ZNF532: variants seen among roughly 807,000 people sequenced by gnomAD.
ZNF532 encodes the protein zinc finger protein 532.
Under a neutral mutation model 89.3 loss-of-function variants are expected in ZNF532, and 22 were observed. That is an observed-to-expected ratio of 0.25 (90% CI 0.18 to 0.35). The LOEUF is 0.35. ZNF532 is among the 10% of genes least tolerant of loss of function. ZNF532 has a pLI of 1.00. For missense variants in ZNF532, 1,132 were observed against 1,643.4 expected (o/e 0.69, Z 5.38); for synonymous variants, 606 against 649.6 (o/e 0.93, Z 1.02).
In ZNF532 at chr18:58,919,597, A is replaced by T; in HGVS notation, c.1310A>T (p.Glu437Val). Residue 437 changes from glutamate (E) to valine (V), a missense_variant, in exon 3 of 10, where the codon GAG becomes GTG. Coordinates refer to ENST00000591808, the MANE Select transcript of ZNF532 (RefSeq NM_001375912.1). This position sits in a 1 kb window ranked among gnomAD's most constrained non-coding sequence, Gnocchi z 6.1. ...GTGACCAATGCAGTTTCCCCTGCAG[A>T]GCTCACCCCCAAACAGGTCACAATC... ...AVVTNAVSPA[E>V]LTPKQVTIKP... The T allele has an allele frequency of 6.2e-7, 1 of 1,614,014 alleles. No individual in the cohort carries two copies. Among genetic ancestry groups the T allele is most frequent in the Non-Finnish European group, 8.5e-7 (1 of 1,180,008 alleles).
At chr18:58,928,894 T>A (rs2061732919) in intron 3 of ZNF532, among the ~76,000 whole-genome samples, 1 of 152,226 alleles carries the variant, frequency 6.6e-6, no homozygotes, top group Admixed American at 6.5e-5. Context: ...ATAATTGATA[T>A]TTTAATGTGT....
At chr18:58,922,685 C>T (rs891715644) in intron 3 of ZNF532, among the ~76,000 whole-genome samples, 1 of 152,204 alleles carries the variant, frequency 6.6e-6, no homozygotes, top group Admixed American at 6.5e-5. Context: ...AAAGCTCTTT[C>T]TTCATTTCTG....
intron 2 of ZNF532, among the ~76,000 whole-genome samples, chr18:58,916,425 A>G (rs1295630912): frequency 6.6e-6 from 1 of 152,106 alleles, no homozygotes; most frequent in Non-Finnish European, 1.5e-5. Context: ...TAGAGATGTT[A>G]ATGTTTTATT....
intron 2 of ZNF532, among the ~76,000 whole-genome samples, chr18:58,891,039 C>T (rs9959933): frequency 0.028 from 4,295 of 152,200 alleles, 219 homozygotes; most frequent in African/African-American, 0.098. Context: ...CTGCCTCAGC[C>T]TCCCGAGTAG....
intron 2 of ZNF532, among the ~76,000 whole-genome samples, chr18:58,871,698 T>C (rs1339295140): frequency 1.3e-5 from 2 of 152,324 alleles, no homozygotes; most frequent in Admixed American, 1.3e-4. Context: ...AGCGTGAGAA[T>C]ATGCAGTGGA....
chr18:58,888,799 TTATA>T (rs1171793271), intron 2 of ZNF532, among the ~76,000 whole-genome samples: 1 of 47,218 alleles, frequency 2.1e-5, no homozygotes, highest in African/African-American at 1.2e-4. Context: ...TATATATAAT[TTATA>T]TATATAAAAA....
intron 6 of ZNF532, among the ~76,000 whole-genome samples, chr18:58,949,716 T>C (rs1364771331): frequency 6.6e-6 from 1 of 152,198 alleles, no homozygotes; most frequent in East Asian, 1.9e-4. Flanking sequence ...AAGGTCAGTT[T>C]AAAGCGCAAA....
In ZNF532 at chr18:58,951,895, T is replaced by C. The variant is rs184804365; in HGVS notation, c.2869-1623T>C. ...CGATCTCCTGACCTCGTGATCCACC[T>C]GCCTCGGCCTCCCAAAGTGCTGGGA... On this transcript the variant is annotated intron_variant, in intron 6 of 9. Transcript: ENST00000591808. Among the ~76,000 whole-genome samples the C allele has an allele frequency of 7.1e-3, 1,077 of 152,190 alleles. 10 individuals carry two copies. Among genetic ancestry groups the C allele is most frequent in the Non-Finnish European group, 0.01 (711 of 67,988 alleles).
chr18:58,952,582 T>A (rs928650401), intron 6 of ZNF532, among the ~76,000 whole-genome samples: 50 of 152,246 alleles, frequency 3.3e-4, no homozygotes, highest in African/African-American at 1.2e-3. Context: ...TTTATTAATC[T>A]TTTTGTAGAG....
At chr18:58,950,791 GTTTC>G (rs1454691517) in intron 6 of ZNF532, among the ~76,000 whole-genome samples, 2 of 152,110 alleles carry the variant, frequency 1.3e-5, no homozygotes, top group African/African-American at 4.8e-5. Context: ...GAAATAAGTT[GTTTC>G]TTTATTTAAA....
chr18:58,870,527 A>G (rs1488023874), intron 2 of ZNF532, among the ~76,000 whole-genome samples: 1 of 152,106 alleles, frequency 6.6e-6, no homozygotes, highest in African/African-American at 2.4e-5. Context: ...TCACCTGATG[A>G]GGCCTTTTGG....
At chr18:58,926,498 C>T (rs764966403) in intron 3 of ZNF532, among the ~76,000 whole-genome samples, 27 of 152,164 alleles carry the variant, frequency 1.8e-4, no homozygotes, top group East Asian at 3.9e-4. Context: ...CCACCATGCC[C>T]GGCTAATTTT....
intron 2 of ZNF532, among the ~76,000 whole-genome samples, chr18:58,884,409 G>A (rs1284133242): frequency 6.6e-6 from 1 of 152,196 alleles, no homozygotes; most frequent in Non-Finnish European, 1.5e-5. Flanking sequence ...CAAAGTAAAT[G>A]AGAAGAAGCA....
At chr18:58,932,057 C>T (rs1278680647) in intron 3 of ZNF532, among the ~76,000 whole-genome samples, 1 of 152,200 alleles carries the variant, frequency 6.6e-6, no homozygotes, top group East Asian at 1.9e-4. Context: ...ATGCATGCAT[C>T]TACAGAAACT....
At chr18:58,882,094 G>A (rs1486606351) in intron 2 of ZNF532, among the ~76,000 whole-genome samples, 1 of 152,078 alleles carries the variant, frequency 6.6e-6, no homozygotes, top group Non-Finnish European at 1.5e-5. Context: ...CGTAGCTTGG[G>A]ACTATTAGGT....
At chr18:58,867,917 A>T (rs1171866700) in intron 2 of ZNF532, among the ~76,000 whole-genome samples, 2 of 152,050 alleles carry the variant, frequency 1.3e-5, no homozygotes, top group Non-Finnish European at 2.9e-5. Flanking sequence ...GCCCCCACCC[A>T]CCTTGACTCA....
intron 5 of ZNF532, among the ~76,000 whole-genome samples, chr18:58,941,964 C>CCCTCCCTCCCTCCT (rs1555739564): frequency 8.0e-6 from 1 of 124,230 alleles, no homozygotes; most frequent in Non-Finnish European, 1.8e-5. Context: ...CCCTCCCTCT[C>CCCTCCCTCCCTCCT]TCCCTCCCTC....
intron 2 of ZNF532, among the ~76,000 whole-genome samples, chr18:58,897,644 C>T (rs988531036): frequency 1.3e-5 from 2 of 152,104 alleles, no homozygotes; most frequent in African/African-American, 2.4e-5. Context: ...TTGTTTACAT[C>T]GAGGGAAGAG....
At chr18:58,869,773 T>G (rs1035410795) in intron 2 of ZNF532, among the ~76,000 whole-genome samples, 162 of 149,846 alleles carry the variant, frequency 1.1e-3, no homozygotes, top group Non-Finnish European at 1.4e-3. Flanking sequence ...TTTTTTTTTT[T>G]TTTTTTTTTT....
Sources: gnomAD v4.1 joint callset for allele counts (sites outside exome capture counted in the v4.1 genomes callset) on GRCh38, gnomAD v4.1.1 for gene constraint, Gnocchi (gnomAD v3.1) non-coding constraint, MANE v1.5 for transcripts, NCBI Gene and HGNC (gene_info 2026-07-23, HGNC 2026-07-21) for gene names.